CCDC73: variants seen among roughly 807,000 people sequenced by gnomAD.
CCDC73 encodes the protein coiled-coil domain containing 73, also known as coiled-coil domain-containing protein 73.
In CCDC73, 95 loss-of-function variants were observed where a neutral mutation model predicts 116.5. That is an observed-to-expected ratio of 0.82 (90% CI 0.69 to 0.97). CCDC73 has a LOEUF of 0.97. Among genes scored for constraint, CCDC73 ranks in the 50% least tolerant of loss-of-function variants. The pLI is 0.00. For missense variants in CCDC73, 1,066 were observed against 1,206.8 expected, an observed-to-expected ratio of 0.88 and a Z score of 1.73; for synonymous variants, 398 against 401.3, an observed-to-expected ratio of 0.99 and a Z score of 0.10.
intron 2 of CCDC73, among the ~76,000 whole-genome samples, chr11:32,724,726 G>C (rs968115555): frequency 2.0e-5 from 3 of 152,130 alleles, no homozygotes; most frequent in Non-Finnish European, 4.4e-5. Context: ...TTGAACTGAA[G>C]ATATATGCTT....
intron 9 of CCDC73, among the ~76,000 whole-genome samples, chr11:32,668,147 C>T (rs941781475): frequency 3.9e-5 from 6 of 152,124 alleles, no homozygotes; most frequent in African/African-American, 7.2e-5. Flanking sequence ...TCTACTAAGC[C>T]GAATTCAAGG....
intron 1 of CCDC73, among the ~76,000 whole-genome samples, chr11:32,786,489 T>G: frequency 6.9e-6 from 1 of 145,056 alleles, no homozygotes; most frequent in East Asian, 2.0e-4. Flanking sequence ...ATTATTTATA[T>G]TTATAACATA....
intron 9 of CCDC73, among the ~76,000 whole-genome samples, chr11:32,656,331 G>A (rs1178242578): frequency 5.3e-5 from 8 of 151,702 alleles, no homozygotes; most frequent in South Asian, 2.1e-4. Flanking sequence ...CGCCCGCCTC[G>A]GCCTCCCAAA....
the CCDC73 span, among the ~76,000 whole-genome samples, chr11:32,800,590 G>GC: frequency 1.3e-5 from 2 of 151,640 alleles, no homozygotes; most frequent in African/African-American, 2.4e-5. Context: ...ATCTTTTTTG[G>GC]CCCCCTCAAC....
intron 12 of CCDC73, among the ~76,000 whole-genome samples, chr11:32,644,812 T>C (rs1204231982): frequency 2.6e-5 from 4 of 152,198 alleles, no homozygotes; most frequent in Non-Finnish European, 5.9e-5. Flanking sequence ...ATTGTGGCTT[T>C]TGTAGAATGC....
chr11:32,616,010 A>G lies in CCDC73; in HGVS notation c.1305T>C (p.Cys435=). The G allele has an allele frequency of 6.2e-7, 1 of 1,602,796 alleles. No homozygotes were observed. Among genetic ancestry groups the G allele is most frequent in the Non-Finnish European group, 8.5e-7 (1 of 1,174,016 alleles). Residue 435 remains cysteine (C), a synonymous_variant, in exon 15 of 18, where the codon TGT becomes TGC. Transcript: ENST00000335185. The part of the protein sequence containing the change: ...EIREENMENF[C]SDTEYREKEE... Reference sequence around the variant, plus strand: ...CTTTTTCTCTGTATTCAGTATCTGAACAAAAATTCTCCATATTTTCTTCCC... The same window carrying G: ...CTTTTTCTCTGTATTCAGTATCTGAGCAAAAATTCTCCATATTTTCTTCCC...
chr11:32,758,436 T>C (rs1280743254), intron 2 of CCDC73: 1 of 479,748 alleles, frequency 2.1e-6, no homozygotes, highest in South Asian at 1.5e-5. Flanking sequence ...TCAAGGAGTT[T>C]GTGCTGTGAG....
At chr11:32,646,234 A>G (rs1334908445) in intron 12 of CCDC73, among the ~76,000 whole-genome samples, 2 of 152,104 alleles carry the variant, frequency 1.3e-5, no homozygotes, top group Non-Finnish European at 2.9e-5. Context: ...TTTCATTACA[A>G]TTTTGACCTA....
At chr11:32,661,852 A>T (rs1855931059) in intron 9 of CCDC73, among the ~76,000 whole-genome samples, 1 of 151,060 alleles carries the variant, frequency 6.6e-6, no homozygotes, top group African/African-American at 2.4e-5. Flanking sequence ...ACCCCACAAC[A>T]GTCCCCGGAG....
chr11:32,608,912 G>T (rs1450894525), intron 17 of CCDC73, among the ~76,000 whole-genome samples: 2 of 152,132 alleles, frequency 1.3e-5, no homozygotes, highest in East Asian at 3.9e-4. Context: ...CTGTGACTTG[G>T]CTCCTTTTAA....
At position 32,671,211 on chromosome 11, in the gene CCDC73, G is replaced by A. The variant is rs572297838; in HGVS notation, c.645+4354C>T. On this transcript the variant is annotated intron_variant, in intron 9 of 17. Coordinates refer to ENST00000335185, the MANE Select transcript of CCDC73 (RefSeq NM_001008391.4). ...ACCCCTCCCTTTCTGGTATGGGGTAGTCTGTTTAATATCACTATCTCCTTG... is the reference window on the plus strand; with the variant it reads ...ACCCCTCCCTTTCTGGTATGGGGTAATCTGTTTAATATCACTATCTCCTTG... 4.6e-5 allele frequency among the ~76,000 whole-genome samples: 7 copies of A among 152,188 alleles called. No individual in the cohort carries two copies. The South Asian group carries it at 1.0e-3, about 23-fold the overall frequency.
chr11:32,715,521 C>CA (rs1849937157), intron 3 of CCDC73, among the ~76,000 whole-genome samples: 1 of 148,970 alleles, frequency 6.7e-6, no homozygotes, highest in Non-Finnish European at 1.5e-5. Context: ...CACACACACA[C>CA]CACCAGAAAC....
the CCDC73 span, among the ~76,000 whole-genome samples, chr11:32,812,741 G>C: frequency 1.3e-5 from 2 of 151,878 alleles, no homozygotes; most frequent in Admixed American, 1.3e-4. Flanking sequence ...AGGTGGCTGA[G>C]GTGGGAGGAT....
the CCDC73 span, among the ~76,000 whole-genome samples, chr11:32,812,670 CAAA>C: frequency 2.9e-5 from 3 of 103,072 alleles, no homozygotes. Flanking sequence ...ACTACATCTC[CAAA>C]AAAAAAAAAA....
intron 3 of CCDC73, 55 bp from the exon 4 acceptor site, chr11:32,702,999 CT>C: frequency 1.8e-6 from 2 of 1,136,414 alleles, no homozygotes; most frequent in Non-Finnish European, 2.7e-6. Context: ...TCTCTTTCAG[CT>C]TTAAATCTTA....
intron 1 of CCDC73, among the ~76,000 whole-genome samples, chr11:32,779,592 G>T (rs1850565187): frequency 6.6e-6 from 1 of 152,114 alleles, no homozygotes; most frequent in Non-Finnish European, 1.5e-5. Flanking sequence ...TTTCCACCAA[G>T]AAAAGGAGAG....
chr11:32,711,492 A>C (rs558961118), intron 3 of CCDC73, among the ~76,000 whole-genome samples: 1 of 150,652 alleles, frequency 6.6e-6, no homozygotes, highest in Admixed American at 6.6e-5. Flanking sequence ...CATTCACAGC[A>C]ACCTGGATGA....
intron 12 of CCDC73, 72 bp from the exon 13 acceptor site, chr11:32,642,154 TG>T (rs1459893983): frequency 4.6e-5 from 62 of 1,362,528 alleles, no homozygotes; most frequent in Non-Finnish European, 5.3e-5. Context: ...TTATGTTGCT[TG>T]GACCTTTGCT....
the CCDC73 span, among the ~76,000 whole-genome samples, chr11:32,812,828 G>C: frequency 1.3e-5 from 2 of 152,080 alleles, no homozygotes; most frequent in East Asian, 3.9e-4. Context: ...CAGAGAGACA[G>C]CCTGTCTCAA....
Sources: gnomAD v4.1 joint callset for allele counts (sites outside exome capture counted in the v4.1 genomes callset) on GRCh38, gnomAD v4.1.1 for gene constraint, MANE v1.5 for transcripts, NCBI Gene and HGNC (gene_info 2026-07-23, HGNC 2026-07-21) for gene names.